Variants in SLC35F4 observed in about 807,000 individuals in gnomAD.
SLC35F4 encodes the protein chromosome 14 open reading frame 36.
A neutral mutation model predicts 44.2 loss-of-function variants in SLC35F4; 24 were observed. The observed-to-expected ratio is 0.54, with a 90% CI of 0.39 to 0.76. The LOEUF is 0.76. Ranked by LOEUF, SLC35F4 falls within the 30% of genes least tolerant of loss-of-function variation. SLC35F4 has a pLI of 0.00. For synonymous variants in SLC35F4, 238 were observed against 223.6 expected, an observed-to-expected ratio of 1.06 and a Z score of -0.57; for missense variants, 562 against 586.1, an observed-to-expected ratio of 0.96 and a Z score of 0.42.
At chr14:57,800,218 A>G (rs888151957) in intron 1 of SLC35F4, among the ~76,000 whole-genome samples, 1 of 152,100 alleles carries the variant, frequency 6.6e-6, no homozygotes, top group Non-Finnish European at 1.5e-5. Flanking sequence ...TACAAGAGAA[A>G]CCAAGGCCGC....
chr14:57,877,176 C>G (rs1285943883), intron 1 of SLC35F4, among the ~76,000 whole-genome samples: 1 of 152,148 alleles, frequency 6.6e-6, no homozygotes, highest in South Asian at 2.1e-4. Context: ...CACTCTCAAG[C>G]AGGCTCCATT....
At chr14:57,905,487 T>A (rs1235232115) in intron 1 of SLC35F4, among the ~76,000 whole-genome samples, 1 of 152,248 alleles carries the variant, frequency 6.6e-6, no homozygotes, top group Non-Finnish European at 1.5e-5. Context: ...TGGAGGCTGG[T>A]TACCTCAATC....
intron 1 of SLC35F4, among the ~76,000 whole-genome samples, chr14:57,951,654 A>T (rs986075890): frequency 9.2e-5 from 14 of 152,316 alleles, no homozygotes; most frequent in African/African-American, 3.1e-4. Flanking sequence ...CTCACAGTGT[A>T]AACAAAGCCT....
intron 1 of SLC35F4, among the ~76,000 whole-genome samples, chr14:57,745,169 A>G (rs2076721796): frequency 6.6e-6 from 1 of 152,242 alleles, no homozygotes; most frequent in Non-Finnish European, 1.5e-5. Context: ...GGACATAGGC[A>G]TGGGCAAGGA....
At chr14:57,918,516 C>T (rs1889376961) in intron 1 of SLC35F4, among the ~76,000 whole-genome samples, 1 of 152,114 alleles carries the variant, frequency 6.6e-6, no homozygotes, top group Non-Finnish European at 1.5e-5. Context: ...GTGGTGACTT[C>T]CAAGCTTCTT....
chr14:57,774,779 C>T (rs925263414), intron 1 of SLC35F4, among the ~76,000 whole-genome samples: 5 of 152,220 alleles, frequency 3.3e-5, no homozygotes, highest in African/African-American at 1.2e-4. Context: ...GCAGCCTCCC[C>T]TGTGCCACTT....
At chr14:57,696,381 C>G (rs1397244243) in intron 1 of SLC35F4, among the ~76,000 whole-genome samples, 1 of 152,168 alleles carries the variant, frequency 6.6e-6, no homozygotes, top group Non-Finnish European at 1.5e-5. Flanking sequence ...CATCTCACAC[C>G]AGTTAGAATG....
intron 1 of SLC35F4, among the ~76,000 whole-genome samples, chr14:57,762,119 G>C (rs1440640648): frequency 6.6e-6 from 1 of 152,044 alleles, no homozygotes; most frequent in Non-Finnish European, 1.5e-5. Context: ...CAAAGTCTTG[G>C]GCAAGAGCAT....
intron 1 of SLC35F4, among the ~76,000 whole-genome samples, chr14:57,880,607 T>G (rs1420869169): frequency 6.6e-6 from 1 of 152,218 alleles, no homozygotes; most frequent in Non-Finnish European, 1.5e-5. Context: ...AAAGTTTCTC[T>G]GAAGATACAA....
At chr14:57,890,706 A>C (rs948067677) in intron 1 of SLC35F4, among the ~76,000 whole-genome samples, 1 of 152,202 alleles carries the variant, frequency 6.6e-6, no homozygotes, top group African/African-American at 2.4e-5. Flanking sequence ...GCTGTGAGGA[A>C]AATTGAGAAG....
At chr14:57,919,097 T>C (rs1459057013) in intron 1 of SLC35F4, among the ~76,000 whole-genome samples, 1 of 152,104 alleles carries the variant, frequency 6.6e-6, no homozygotes, top group African/African-American at 2.4e-5. Context: ...GGATTTTCCA[T>C]GGTTTGGATG....
At chr14:57,666,227 C>T (rs751721901) in intron 1 of SLC35F4, among the ~76,000 whole-genome samples, 5 of 152,210 alleles carry the variant, frequency 3.3e-5, no homozygotes, top group Non-Finnish European at 5.9e-5. Flanking sequence ...AGAATCTGTA[C>T]GCATGTGTGA....
At chr14:57,709,123 C>A (rs2075753426) in intron 1 of SLC35F4, among the ~76,000 whole-genome samples, 1 of 152,136 alleles carries the variant, frequency 6.6e-6, no homozygotes, top group South Asian at 2.1e-4. Flanking sequence ...TGATGGCAGG[C>A]CCTCCACAAG....
chr14:57,965,036 T>C (rs1161878867), intron 1 of SLC35F4, among the ~76,000 whole-genome samples: 1 of 130,438 alleles, frequency 7.7e-6, no homozygotes, highest in Non-Finnish European at 1.6e-5. Context: ...GTTTCACGAC[T>C]CCAAGAGGCC....
intron 1 of SLC35F4, among the ~76,000 whole-genome samples, chr14:57,881,841 G>A (rs541014668): frequency 2.0e-5 from 3 of 152,056 alleles, no homozygotes; most frequent in Admixed American, 6.6e-5. Flanking sequence ...AATATATAAC[G>A]TAAATAGTCC....
At chr14:57,796,215 T>C (rs1307229136) in intron 1 of SLC35F4, among the ~76,000 whole-genome samples, 1 of 152,238 alleles carries the variant, frequency 6.6e-6, no homozygotes, top group African/African-American at 2.4e-5. Flanking sequence ...TCTAGGTTGA[T>C]TCCATGTCTC....
chr14:57,961,308 G>A (rs1890335895), intron 1 of SLC35F4, among the ~76,000 whole-genome samples: 1 of 152,034 alleles, frequency 6.6e-6, no homozygotes, highest in South Asian at 2.1e-4. Flanking sequence ...GGACACTGAG[G>A]ATATCAGAGG....
intron 1 of SLC35F4, among the ~76,000 whole-genome samples, chr14:57,902,290 G>C (rs185398917): frequency 6.6e-6 from 1 of 152,094 alleles, no homozygotes; most frequent in Admixed American, 6.6e-5. Context: ...CTGGCTGGGC[G>C]CGGTGGCTCA....
At chr14:57,919,340 A>G (rs956272652) in intron 1 of SLC35F4, among the ~76,000 whole-genome samples, 3 of 152,256 alleles carry the variant, frequency 2.0e-5, no homozygotes, top group African/African-American at 4.8e-5. Flanking sequence ...ATACTTTGCT[A>G]TGAAGTAGAA....
Sources: allele counts gnomAD v4.1 joint callset (sites outside exome capture counted in the v4.1 genomes callset), GRCh38; gene constraint gnomAD v4.1.1; transcripts MANE v1.5; gene names NCBI Gene and HGNC (gene_info 2026-07-23, HGNC 2026-07-21).